The following FER variants were observed in gnomAD, a reference collection of about 807,000 sequenced individuals.
FER encodes FER tyrosine kinase.
Under a neutral mutation model 111.0 loss-of-function variants are expected in FER, and 63 were observed. The observed-to-expected ratio is 0.57, with a 90% confidence interval of 0.46 to 0.70. The LOEUF is 0.70. Ranked by LOEUF, FER falls within the 30% of genes least tolerant of loss-of-function variation. The probability of loss-of-function intolerance (pLI) is 0.00; values close to 1 mark genes in which losing one functional copy is unlikely to be tolerated. For synonymous variants in FER, 327 were observed against 313.9 expected (o/e 1.04, Z -0.44); for missense variants, 914 against 954.0 (o/e 0.96, Z 0.55).
intron 11 of FER, among the ~76,000 whole-genome samples, chr5:108,952,470 A>G (rs1381236215): frequency 1.3e-5 from 2 of 149,034 alleles, no homozygotes; most frequent in Non-Finnish European, 3.0e-5. Context: ...TTCCCTGTGT[A>G]TGTGTGTATA....
rs183921120 is a variant in FER at position 109,053,836 on chromosome 5, A to G, written c.1924+6638A>G. On this transcript the variant is annotated intron_variant, in intron 16 of 19. Coordinates refer to ENST00000281092, the MANE Select transcript of FER (RefSeq NM_005246.4). ...CTCCCGAGTAGCTGGGACTACAGGCACCTGTTACCATGCCCGGCTAATTTT... is the reference window on the plus strand; with the variant it reads ...CTCCCGAGTAGCTGGGACTACAGGCGCCTGTTACCATGCCCGGCTAATTTT... 2.8e-3 allele frequency among the ~76,000 whole-genome samples: 431 copies of G among 151,506 alleles called. 1 individual carries two copies. The highest frequency in any genetic ancestry group is 9.7e-3 in the African/African-American group (400 of 41,330).
At chr5:108,829,200 G>T (rs1489354311) in intron 3 of FER, among the ~76,000 whole-genome samples, 1 of 152,116 alleles carries the variant, frequency 6.6e-6, no homozygotes, top group African/African-American at 2.4e-5. Context: ...CTTTTTGTTT[G>T]TGACTTTCAA....
At chr5:108,959,729 T>C (rs7733971) in intron 13 of FER, among the ~76,000 whole-genome samples, 7,075 of 152,084 alleles carry the variant, frequency 0.047, 262 homozygotes, top group South Asian at 0.11. Flanking sequence ...GGGTTTTAAT[T>C]TGGGATGTTA....
intron 17 of FER, among the ~76,000 whole-genome samples, chr5:109,114,109 A>C (rs1749953327): frequency 6.6e-6 from 1 of 152,124 alleles, no homozygotes; most frequent in Non-Finnish European, 1.5e-5. Flanking sequence ...TGTATATTGG[A>C]AGTGATGGGT....
intron 2 of FER, among the ~76,000 whole-genome samples, chr5:108,778,599 T>C (rs1753738466): frequency 6.6e-6 from 1 of 152,218 alleles, no homozygotes; most frequent in African/African-American, 2.4e-5. Context: ...GAGCATCTTT[T>C]CATATGCTTA....
At chr5:108,951,806 T>C (rs1561667991) in intron 11 of FER, among the ~76,000 whole-genome samples, 1 of 152,138 alleles carries the variant, frequency 6.6e-6, no homozygotes, top group East Asian at 1.9e-4. Context: ...TTTTTGTTTT[T>C]GCCTCCCAAA....
intron 14 of FER, among the ~76,000 whole-genome samples, chr5:109,040,426 T>C (rs116748775): frequency 0.01 from 1,529 of 152,062 alleles, 22 homozygotes; most frequent in African/African-American, 0.035. Context: ...CCAGGAGATA[T>C]GATGCCTTGG....
chr5:109,035,797 TC>T (rs1317099504), intron 13 of FER, among the ~76,000 whole-genome samples: 1 of 152,218 alleles, frequency 6.6e-6, no homozygotes, highest in Admixed American at 6.5e-5. Flanking sequence ...TTACAGTTGC[TC>T]CACACCCTCA....
At chr5:108,992,918 C>T (rs547392534) in intron 13 of FER, among the ~76,000 whole-genome samples, 70 of 149,002 alleles carry the variant, frequency 4.7e-4, no homozygotes, top group African/African-American at 1.5e-3. Context: ...GGGGCAGAGA[C>T]GCTTCCCACA....
intron 13 of FER, among the ~76,000 whole-genome samples, chr5:109,000,749 A>G (rs893018586): frequency 6.6e-6 from 1 of 152,158 alleles, no homozygotes; most frequent in Non-Finnish European, 1.5e-5. Context: ...AAATTGATAG[A>G]CCGCTAGCAA....
intron 17 of FER, among the ~76,000 whole-genome samples, chr5:109,157,284 T>A (rs1755503316): frequency 6.6e-6 from 1 of 152,142 alleles, no homozygotes; most frequent in Non-Finnish European, 1.5e-5. Context: ...CAGTTCAGTG[T>A]TACACAGATT....
chr5:108,988,718 A>G lies in FER; in HGVS notation c.1656+29371A>G, dbSNP rs139466380. On this transcript the variant is annotated intron_variant, in intron 13 of 19. Transcript: ENST00000281092. Reference sequence around the variant, plus strand: ...TGCTAATGATCTATCAATTTTATCTATCTTTTCAAAGAACCAGCTTTTTGC... The same window carrying G: ...TGCTAATGATCTATCAATTTTATCTGTCTTTTCAAAGAACCAGCTTTTTGC... Among the ~76,000 whole-genome samples the G allele has an allele frequency of 9.3e-3, 1,418 of 152,108 alleles. 14 individuals carry two copies. Among genetic ancestry groups the G allele is most frequent in the Middle Eastern group, 0.017 (5 of 292 alleles).
At chr5:108,892,874 C>T (rs1423706451) in intron 9 of FER, among the ~76,000 whole-genome samples, 1 of 152,132 alleles carries the variant, frequency 6.6e-6, no homozygotes, top group Non-Finnish European at 1.5e-5. Flanking sequence ...CCAGTTTCAG[C>T]TTTCTACATA....
intron 3 of FER, among the ~76,000 whole-genome samples, chr5:108,825,830 G>A (rs1016679158): frequency 6.6e-6 from 1 of 152,120 alleles, no homozygotes; most frequent in Non-Finnish European, 1.5e-5. Flanking sequence ...GGCTTCAGCC[G>A]GTTCCTCCAT....
intron 3 of FER, among the ~76,000 whole-genome samples, chr5:108,815,931 T>A (rs1758222965): frequency 6.6e-6 from 1 of 152,148 alleles, no homozygotes; most frequent in African/African-American, 2.4e-5. Flanking sequence ...TTTGAAAACA[T>A]TGAAATCTTG....
chr5:109,127,280 A>G (rs1751837424), intron 17 of FER, among the ~76,000 whole-genome samples: 1 of 152,210 alleles, frequency 6.6e-6, no homozygotes, highest in South Asian at 2.1e-4. Context: ...TCATTAGAAC[A>G]TATAGTAAAG....
At chr5:108,908,061 G>A (rs1751037531) in intron 10 of FER, among the ~76,000 whole-genome samples, 1 of 152,094 alleles carries the variant, frequency 6.6e-6, no homozygotes, top group Admixed American at 6.5e-5. Context: ...ATACCAATTA[G>A]ATTTTCTTCC....
chr5:108,967,759 C>CAAAAAAAAAAAAAAAA lies in FER; in HGVS notation c.1656+8421_1656+8436dup, dbSNP rs774855414. On this transcript the variant is annotated intron_variant, in intron 13 of 19. Transcript: ENST00000281092. Reference sequence around the variant, plus strand: ...TGGGCGACAAAGCGAGACTCCGTCTCAAAAAAAAAAAAAAAAAAAAAAAAC... The same window carrying CAAAAAAAAAAAAAAAA: ...TGGGCGACAAAGCGAGACTCCGTCTCAAAAAAAAAAAAAAAAAAAAAAAAAAAAAAAAAAAAAAAAC... Among the ~76,000 whole-genome samples the CAAAAAAAAAAAAAAAA allele has an allele frequency of 6.4e-4, 22 of 34,448 alleles. 1 individual carries two copies. Among genetic ancestry groups the CAAAAAAAAAAAAAAAA allele is most frequent in the South Asian group, 1.3e-3 (1 of 794 alleles). The allele number at this position is 34,448 out of a possible 152,430, so 22.6% of individuals were successfully genotyped here. A position where few individuals can be genotyped will look rare whatever the true frequency, so the allele number is the denominator to read the frequency against.
intron 16 of FER, among the ~76,000 whole-genome samples, chr5:109,081,212 G>C (rs1218512292): frequency 6.6e-6 from 1 of 152,108 alleles, no homozygotes; most frequent in Non-Finnish European, 1.5e-5. Context: ...GCAAGTTTAT[G>C]TAGTAAAACT....
Sources: allele counts gnomAD v4.1 joint callset (sites outside exome capture counted in the v4.1 genomes callset), GRCh38; gene constraint gnomAD v4.1.1; transcripts MANE v1.5; gene names NCBI Gene and HGNC (gene_info 2026-07-23, HGNC 2026-07-21).